The following DLC1 variants were observed in gnomAD, a reference collection of about 807,000 sequenced individuals.
DLC1 encodes DLC1 Rho GTPase activating protein.
DLC1 carries 54 observed loss-of-function variants against 140.3 expected under a neutral mutation model. The observed-to-expected ratio is 0.38, with a 90% CI of 0.31 to 0.48. The LOEUF (loss-of-function observed/expected upper bound fraction) is 0.48, where lower values mean the gene tolerates loss of function less well. Among genes scored for constraint, DLC1 ranks in the 20% least tolerant of loss-of-function variants. The pLI is 0.96. For missense variants in DLC1, 2,536 were observed against 1,907.0 expected, an observed-to-expected ratio of 1.33 and a Z score of -6.14; for synonymous variants, 986 against 728.1, an observed-to-expected ratio of 1.35 and a Z score of -5.70.
intron 5 of DLC1, among the ~76,000 whole-genome samples, chr8:13,150,881 T>G (rs1823755678): frequency 6.6e-6 from 1 of 152,196 alleles, no homozygotes; most frequent in Non-Finnish European, 1.5e-5. Context: ...GCCTTAAAAA[T>G]GCATGAGCCT....
At chr8:13,317,184 A>G (rs899633398) in intron 4 of DLC1, among the ~76,000 whole-genome samples, 29 of 152,350 alleles carry the variant, frequency 1.9e-4, no homozygotes, top group Non-Finnish European at 3.7e-4. Context: ...TGCTGAAAAG[A>G]TTCAAATCAA....
At chr8:13,249,344 C>T (rs1829905190) in intron 5 of DLC1, among the ~76,000 whole-genome samples, 1 of 152,210 alleles carries the variant, frequency 6.6e-6, no homozygotes, top group African/African-American at 2.4e-5. Flanking sequence ...TCTCAAAGTG[C>T]TGGGATTACA....
chr8:13,164,479 G>A (rs1187826539), intron 5 of DLC1, among the ~76,000 whole-genome samples: 1 of 152,064 alleles, frequency 6.6e-6, no homozygotes, highest in South Asian at 2.1e-4. Context: ...TGGTAGTTGG[G>A]TCATATGCCT....
intron 5 of DLC1, among the ~76,000 whole-genome samples, chr8:13,145,821 C>G (rs946712385): frequency 2.0e-5 from 3 of 152,038 alleles, no homozygotes; most frequent in Admixed American, 6.5e-5. Flanking sequence ...AATATAAGAT[C>G]AATATTCAGG....
At chr8:13,577,030 T>G (rs1357378858) in intron 1 of DLC1, among the ~76,000 whole-genome samples, 1 of 152,204 alleles carries the variant, frequency 6.6e-6, no homozygotes, top group Non-Finnish European at 1.5e-5. Flanking sequence ...CTACTGACTC[T>G]GTGTTGGGCT....
intron 1 of DLC1, among the ~76,000 whole-genome samples, chr8:13,557,088 C>G (rs1224647758): frequency 6.6e-6 from 1 of 152,182 alleles, no homozygotes; most frequent in African/African-American, 2.4e-5. Context: ...CAGGGGAAAG[C>G]TGCTGGGGAA....
intron 2 of DLC1, among the ~76,000 whole-genome samples, chr8:13,470,791 G>A (rs775329806): frequency 1.3e-5 from 2 of 152,110 alleles, no homozygotes; most frequent in African/African-American, 2.4e-5. Context: ...CAAAGGAAAG[G>A]AAATCAGTAC....
intron 2 of DLC1, among the ~76,000 whole-genome samples, chr8:13,447,392 G>A (rs1798826621): frequency 6.6e-6 from 1 of 152,132 alleles, no homozygotes; most frequent in African/African-American, 2.4e-5. Context: ...TATTTGGCAT[G>A]AACCAGGTTT....
chr8:13,349,482 C>T (rs1277969136), intron 4 of DLC1, among the ~76,000 whole-genome samples: 1 of 152,176 alleles, frequency 6.6e-6, no homozygotes, highest in Non-Finnish European at 1.5e-5. Context: ...CTTTCACTTG[C>T]TCTTTCACAG....
At chr8:13,184,021 A>G (rs1382205647) in intron 5 of DLC1, among the ~76,000 whole-genome samples, 1 of 152,146 alleles carries the variant, frequency 6.6e-6, no homozygotes, top group Admixed American at 6.5e-5. Flanking sequence ...GAGAGATTCA[A>G]CTTCTTCCCA....
chr8:13,086,853 A>ACTAAAATAAAAATATTAAATATTT (rs1817607595), intron 16 of DLC1, among the ~76,000 whole-genome samples: 1 of 150,990 alleles, frequency 6.6e-6, no homozygotes, highest in East Asian at 2.0e-4. Flanking sequence ...GTGATACCTC[A>ACTAAAATAAAAATATTAAATATTT]TCTCTACTAA....
chr8:13,372,849 T>A (rs987955487), intron 4 of DLC1, among the ~76,000 whole-genome samples: 133 of 152,288 alleles, frequency 8.7e-4, no homozygotes, highest in African/African-American at 3.1e-3. Context: ...TATATCTTTA[T>A]AATTTATAAT....
intron 5 of DLC1, among the ~76,000 whole-genome samples, chr8:13,217,232 T>C (rs895383273): frequency 3.3e-5 from 5 of 152,158 alleles, no homozygotes; most frequent in African/African-American, 4.8e-5. Context: ...TGTTATCCAA[T>C]AGAAATATAA....
At chr8:13,251,013 C>T (rs967678520) in intron 5 of DLC1, among the ~76,000 whole-genome samples, 8 of 152,188 alleles carry the variant, frequency 5.3e-5, no homozygotes, top group African/African-American at 1.9e-4. Context: ...TTTCACAGTG[C>T]TGGACTTGAA....
upstream of DLC1, chr8:13,515,581 C>A (rs922136282): frequency 6.6e-6 from 1 of 152,202 alleles, no homozygotes; most frequent in Non-Finnish European, 1.5e-5. Flanking sequence ...AGCATGGCAG[C>A]GTTCCTGAAT....
intron 1 of DLC1, among the ~76,000 whole-genome samples, chr8:13,553,152 C>A (rs1250384458): frequency 1.5e-5 from 2 of 133,656 alleles, no homozygotes; most frequent in African/African-American, 2.7e-5. Context: ...TGCTAATTAT[C>A]AATAAAGTAA....
At chr8:13,400,170 G>A (rs182740348) in intron 3 of DLC1, among the ~76,000 whole-genome samples, 117 of 152,258 alleles carry the variant, frequency 7.7e-4, no homozygotes, top group African/African-American at 2.6e-3. Context: ...GAGTTTTGAG[G>A]GCTTTGGGAT....
At chr8:13,433,708 T>A (rs941013091) in intron 2 of DLC1, among the ~76,000 whole-genome samples, 1 of 152,220 alleles carries the variant, frequency 6.6e-6, no homozygotes, top group Non-Finnish European at 1.5e-5. Context: ...AATTTTGACA[T>A]GCTCTGTTGA....
intron 5 of DLC1, 137 bp from the exon 6 acceptor site, chr8:13,115,794 C>T (rs1820505546): frequency 1.3e-6 from 1 of 746,186 alleles, no homozygotes; most frequent in Non-Finnish European, 2.2e-6. Context: ...CAGACATACA[C>T]GCTTAATTCG....
Sources: gnomAD v4.1 joint callset for allele counts (sites outside exome capture counted in the v4.1 genomes callset) on GRCh38, gnomAD v4.1.1 for gene constraint, MANE v1.5 for transcripts, NCBI Gene and HGNC (gene_info 2026-07-23, HGNC 2026-07-21) for gene names.